UCK2: variants seen among roughly 807,000 people sequenced by gnomAD.
The protein encoded by UCK2 is cytidine monophosphokinase 2.
In UCK2, 6 loss-of-function variants were observed where a neutral mutation model predicts 30.8. The ratio of observed to expected loss-of-function variants is 0.19; its 90% CI spans 0.11 to 0.38. UCK2 has a LOEUF of 0.38. Among genes scored for constraint, UCK2 ranks in the 10% least tolerant of loss-of-function variants. The pLI, the probability that UCK2 is intolerant of heterozygous loss-of-function variation, is 1.00. For missense variants in UCK2, 210 were observed against 339.8 expected (o/e 0.62, Z 3.00); for synonymous variants, 125 against 133.6 (o/e 0.94, Z 0.45).
chr1:165,833,306 C>T (rs1654100138), intron 1 of UCK2, among the ~76,000 whole-genome samples: 1 of 152,140 alleles, frequency 6.6e-6, no homozygotes, highest in South Asian at 2.1e-4. Context: ...CTTCCCTTTC[C>T]CCCTTACTCT....
chr1:165,907,706 G>T lies in UCK2; in HGVS notation c.669G>T (p.Gln223His). 2 of 1,614,180 alleles carry T rather than the reference G, an allele frequency of 1.2e-6. No individual in the cohort carries two copies. The highest frequency in any genetic ancestry group is 1.7e-6 in the Non-Finnish European group (2 of 1,180,038). Residue 223 changes from glutamine to histidine, a missense_variant, in exon 7 of 7, where the codon CAG (glutamine) becomes CAT (histidine). Gln to His is a conservative substitution (Grantham distance 24). This residue lies in a region of UCK2 where 47 missense variants were observed against 128.7 expected (regional missense o/e 0.37). Coordinates refer to ENST00000367879, the MANE Select transcript of UCK2 (RefSeq NM_012474.5). ...DNLVAINLIVQHIQDILNGGP... is the reference protein window; with the variant it reads ...DNLVAINLIVHHIQDILNGGP... Reference sequence around the variant, plus strand: ...CAGTGGCCATCAACCTCATCGTGCAGCACATCCAGGACATCCTGAATGGAG... The same window carrying T: ...CAGTGGCCATCAACCTCATCGTGCATCACATCCAGGACATCCTGAATGGAG...
Position 165,880,437 on chromosome 1 carries a change from C to T in UCK2, c.100-9767C>T, listed in dbSNP as rs562043938. ...AAAGAAATAGACCCAGCCTCACTTGCACCCACAAGTCAGTAATAATTAGTC... is the reference window on the plus strand; with the variant it reads ...AAAGAAATAGACCCAGCCTCACTTGTACCCACAAGTCAGTAATAATTAGTC... On this transcript the variant is annotated intron_variant, in intron 1 of 6. Transcript: ENST00000367879. 3.9e-5 allele frequency among the ~76,000 whole-genome samples: 6 copies of T among 152,296 alleles called. No homozygotes were observed. In the South Asian group the frequency reaches 1.2e-3, roughly 32 times the overall value.
intron 3 of UCK2, chr1:165,891,528 C>T: frequency 1.8e-6 from 1 of 554,396 alleles, no homozygotes; most frequent in Non-Finnish European, 3.3e-6. Flanking sequence ...CTGAGCGCTC[C>T]CTGGAACAGT....
chr1:165,895,839 C>T (rs1459797545), intron 3 of UCK2: 12 of 209,516 alleles, frequency 5.7e-5, no homozygotes, highest in African/African-American at 1.4e-4. Context: ...TTCCTGGAGA[C>T]GCCTTCAGAG....
intron 5 of UCK2, among the ~76,000 whole-genome samples, chr1:165,905,224 T>A (rs1376144081): frequency 6.6e-6 from 1 of 152,218 alleles, no homozygotes; most frequent in Non-Finnish European, 1.5e-5. Flanking sequence ...GGCTCACGCC[T>A]GTAATCCTGG....
At chr1:165,880,826 A>G (rs1009077954) in intron 1 of UCK2, among the ~76,000 whole-genome samples, 1 of 152,122 alleles carries the variant, frequency 6.6e-6, no homozygotes, top group African/African-American at 2.4e-5. Context: ...GGGTGAGCCT[A>G]GAACTTGGTC....
chr1:165,869,876 C>T (rs1313357669), intron 1 of UCK2, among the ~76,000 whole-genome samples: 1 of 151,892 alleles, frequency 6.6e-6, no homozygotes, highest in African/African-American at 2.4e-5. Context: ...TTCTTGAGCT[C>T]TCAGCCTCAA....
At chr1:165,868,717 G>A (rs905983384) in intron 1 of UCK2, among the ~76,000 whole-genome samples, 4 of 152,192 alleles carry the variant, frequency 2.6e-5, no homozygotes, top group Non-Finnish European at 4.4e-5. Flanking sequence ...TGGCTGGTTT[G>A]ATATTCTATC....
intron 4 of UCK2, chr1:165,902,566 A>G (rs1292428277): frequency 2.6e-5 from 3 of 115,256 alleles, no homozygotes; most frequent in African/African-American, 3.0e-5. Flanking sequence ...TCTCTAGGCC[A>G]TGGTTTTCTT....
chr1:165,888,455 C>A (rs1291543949), intron 1 of UCK2, among the ~76,000 whole-genome samples: 10 of 151,928 alleles, frequency 6.6e-5, no homozygotes, highest in Admixed American at 6.6e-4. Context: ...CCATGCCTGG[C>A]TAATTTTTGT....
rs186216300 is a variant in UCK2, at chr1:165,886,474, G to C, written c.100-3730G>C. On this transcript the variant is annotated intron_variant, in intron 1 of 6. Coordinates refer to ENST00000367879, the MANE Select transcript of UCK2 (RefSeq NM_012474.5). ...CCATGCCTAGATAATTTCTGAATTT[G>C]TGTAGAGGTGGGGTCTCACAGTGTT... is the stretch of plus-strand genomic sequence containing the variant. Among the ~76,000 whole-genome samples the C allele has an allele frequency of 5.5e-4, 83 of 152,200 alleles. 1 individual carries two copies. The highest frequency in any genetic ancestry group is 1.2e-3 in the Admixed American group (19 of 15,282).
intron 1 of UCK2, among the ~76,000 whole-genome samples, chr1:165,870,842 G>A (rs1367260541): frequency 6.6e-6 from 1 of 152,132 alleles, no homozygotes; most frequent in Admixed American, 6.5e-5. Flanking sequence ...TTTCGAGAAG[G>A]AGTTTTGCTC....
chr1:165,906,833 G>A (rs2101890263), intron 6 of UCK2, among the ~76,000 whole-genome samples: 1 of 152,246 alleles, frequency 6.6e-6, no homozygotes, highest in African/African-American at 2.4e-5. Flanking sequence ...GAGCTGTTTG[G>A]GAGTAAGTTA....
chr1:165,845,533 T>G (rs756412116), intron 1 of UCK2, among the ~76,000 whole-genome samples: 5 of 152,214 alleles, frequency 3.3e-5, no homozygotes, highest in Non-Finnish European at 7.3e-5. Flanking sequence ...GTGTAACAAT[T>G]AACTGGATCT....
intron 4 of UCK2, among the ~76,000 whole-genome samples, chr1:165,896,713 G>A (rs1050895669): frequency 3.9e-5 from 6 of 152,226 alleles, no homozygotes; most frequent in Non-Finnish European, 8.8e-5. Context: ...TAGGACCCCC[G>A]AGGATAGGAT....
At chr1:165,907,404 T>A (rs1159973248) in intron 6 of UCK2, among the ~76,000 whole-genome samples, 2 of 152,182 alleles carry the variant, frequency 1.3e-5, no homozygotes, top group African/African-American at 4.8e-5. Context: ...CATCCAGTGG[T>A]GACTGATCAT....
intron 1 of UCK2, among the ~76,000 whole-genome samples, chr1:165,857,996 A>G (rs1343845876): frequency 1.3e-5 from 2 of 152,196 alleles, no homozygotes; most frequent in Middle Eastern, 3.2e-3. Flanking sequence ...CATGACATCT[A>G]GAATTAGCAC....
intron 3 of UCK2, chr1:165,895,429 AAAAG>A (rs1361321685): frequency 7.1e-5 from 69 of 975,618 alleles, no homozygotes; most frequent in Non-Finnish European, 8.0e-5. Flanking sequence ...AAAAACAAGA[AAAAG>A]AAAGAAAAGT....
At chr1:165,888,479 G>T (rs1267836959) in intron 1 of UCK2, among the ~76,000 whole-genome samples, 1 of 151,488 alleles carries the variant, frequency 6.6e-6, no homozygotes, top group African/African-American at 2.4e-5. Context: ...TTTAGTAGAG[G>T]CAGGGTTTCA....
Sources: allele counts gnomAD v4.1 joint callset (sites outside exome capture counted in the v4.1 genomes callset), GRCh38; gene constraint gnomAD v4.1.1; regional missense constraint gnomAD v4.1.1; transcripts MANE v1.5; gene names NCBI Gene and HGNC (gene_info 2026-07-23, HGNC 2026-07-21).